The following IFRD1 variants were observed in gnomAD, a reference collection of about 807,000 sequenced individuals.
IFRD1 encodes the protein interferon related developmental regulator 1.
A neutral mutation model predicts 52.9 loss-of-function variants in IFRD1; 35 were observed. The ratio of observed to expected loss-of-function variants is 0.66; its 90% confidence interval spans 0.51 to 0.88. The LOEUF (loss-of-function observed/expected upper bound fraction) is 0.88, where lower values mean the gene tolerates loss of function less well. IFRD1 is among the 40% of genes least tolerant of loss of function. IFRD1 has a pLI of 0.00. For synonymous variants in IFRD1, 184 were observed against 188.4 expected (o/e 0.98, Z 0.19); for missense variants, 517 against 550.8 (o/e 0.94, Z 0.61).
At chr7:112,461,790 T>C (rs1170223231) in intron 5 of IFRD1, 76 bp from the exon 6 acceptor site, 4 of 812,584 alleles carry the variant, frequency 4.9e-6, no homozygotes, top group Admixed American at 2.7e-5. Context: ...TCACGTTGAA[T>C]TATAAAAGCA....
chr7:112,449,673 C>G (rs1315807794), upstream of IFRD1, among the ~76,000 whole-genome samples: 2 of 152,140 alleles, frequency 1.3e-5, no homozygotes, highest in African/African-American at 4.8e-5. Flanking sequence ...GTTTGTTTTA[C>G]CAGCTGTGAA....
intron 1 of IFRD1, chr7:112,451,983 T>G (rs948734504): frequency 2.0e-6 from 2 of 981,988 alleles, no homozygotes; most frequent in African/African-American, 3.5e-5. Context: ...GATCATGTAT[T>G]AAACATTTAA....
At chr7:112,465,448 G>T (rs1438917254) in intron 8 of IFRD1, among the ~76,000 whole-genome samples, 1 of 152,032 alleles carries the variant, frequency 6.6e-6, no homozygotes, top group Non-Finnish European at 1.5e-5. Flanking sequence ...ATTGGTAACT[G>T]TTATTTTGCT....
intron 1 of IFRD1, among the ~76,000 whole-genome samples, chr7:112,424,630 G>A (rs1382834910): frequency 6.6e-6 from 1 of 151,942 alleles, no homozygotes; most frequent in African/African-American, 2.4e-5. Context: ...GGCCAGGCTG[G>A]TCTCGAACTC....
chr7:112,471,497 G>A (rs756337283), intron 9 of IFRD1, among the ~76,000 whole-genome samples: 4 of 151,792 alleles, frequency 2.6e-5, no homozygotes, highest in South Asian at 4.2e-4. Context: ...TCCCTTCCTG[G>A]TTACTCTGAC....
Position 112,450,700 on chromosome 7 carries a change from C to A in IFRD1, c.12C>A (p.Asn4Lys), listed in dbSNP as rs1218357299. 1 of 1,612,900 alleles carries A rather than the reference C, an allele frequency of 6.2e-7. No homozygotes were observed. The highest frequency in any genetic ancestry group is 2.2e-5 in the East Asian group (1 of 44,854). ...CCGGGCGTCCCACGATGCCGAAGAACAAGAAGCGGAACACTCCCCACCGCG... is the reference window on the plus strand; with the variant it reads ...CCGGGCGTCCCACGATGCCGAAGAAAAAGAAGCGGAACACTCCCCACCGCG... MPK[N>K]KKRNTPHRGS... The change falls in exon 1 of 12, where the codon AAC (asparagine) becomes AAA (lysine). Residue 4 changes from asparagine to lysine, a missense_variant. Physicochemically the swap from Asn to Lys is moderately conservative, Grantham distance 94. Coordinates refer to ENST00000403825, the MANE Select transcript of IFRD1 (RefSeq NM_001550.4).
rs974459379 is a variant in IFRD1 at position 112,476,548 on chromosome 7, G to A, written c.*1029G>A. On this transcript the variant is annotated 3_prime_UTR_variant, in exon 12 of 12. Transcript: ENST00000403825. ...GTGTGCTTCTACTCTTTATCTACTTGGGTGCTGAGGCAAGAGGGTAACTTG... is the reference window on the plus strand; with the variant it reads ...GTGTGCTTCTACTCTTTATCTACTTAGGTGCTGAGGCAAGAGGGTAACTTG... 6.6e-6 allele frequency: 1 copy of A among 152,052 alleles called. No individual in the cohort carries two copies. Among genetic ancestry groups the A allele is most frequent in the African/African-American group, 2.4e-5 (1 of 41,374 alleles). 9.4% of individuals were successfully genotyped at this position (152,052 alleles called of 1,614,324 possible).
intron 1 of IFRD1, among the ~76,000 whole-genome samples, chr7:112,435,114 T>G (rs920082011): frequency 1.3e-5 from 2 of 152,226 alleles, no homozygotes; most frequent in Non-Finnish European, 2.9e-5. Context: ...TAGGTTGGAT[T>G]AATGGTGAAC....
At chr7:112,451,228 C>T (rs1474941096) in intron 1 of IFRD1, 1 of 166,184 alleles carries the variant, frequency 6.0e-6, no homozygotes, top group East Asian at 1.8e-4. Context: ...TGCCAGACGT[C>T]CGGCGGGTTT....
chr7:112,467,730 T>C, intron 8 of IFRD1: 2 of 454,092 alleles, frequency 4.4e-6, no homozygotes. Context: ...AAATATTTGT[T>C]GGATGCATTT....
intron 8 of IFRD1, chr7:112,467,666 C>T (rs1795644338): frequency 2.8e-6 from 1 of 358,420 alleles, no homozygotes. Context: ...GTATATCTGT[C>T]TCTCACTGAA....
intron 1 of IFRD1, among the ~76,000 whole-genome samples, chr7:112,439,411 TG>T (rs1363000499): frequency 6.6e-6 from 1 of 152,218 alleles, no homozygotes; most frequent in African/African-American, 2.4e-5. Context: ...GATTGTTAGA[TG>T]TAACAGTATC....
chr7:112,475,474 A>G lies in IFRD1; in HGVS notation c.1311A>G (p.Arg437=), dbSNP rs140706498. 6.2e-7 allele frequency: 1 copy of G among 1,612,626 alleles called. No homozygotes were observed. The highest frequency in any genetic ancestry group is 8.5e-7 in the Non-Finnish European group (1 of 1,179,108). Residue 437 remains arginine (R), a synonymous_variant, in exon 12 of 12, where the codon AGA becomes AGG. Transcript: ENST00000403825. Reference sequence around the variant, plus strand: ...CCTTCAAAGCTCGAACCAAAGCTAGAAGCAAATGTCGAGATAAGAGAGCAG... The same window carrying G: ...CCTTCAAAGCTCGAACCAAAGCTAGGAGCAAATGTCGAGATAAGAGAGCAG... The part of the protein sequence containing the change: ...SAAFKARTKA[R]SKCRDKRADV...
At chr7:112,450,455 G>T (rs568490643), upstream of IFRD1, 6 of 572,802 alleles carry the variant, frequency 1.0e-5, no homozygotes, top group African/African-American at 5.6e-5. Context: ...GGCCTCCCCT[G>T]CCCCGCCTTA....
intron 1 of IFRD1, among the ~76,000 whole-genome samples, chr7:112,437,441 C>T (rs896981483): frequency 2.6e-5 from 4 of 151,874 alleles, no homozygotes; most frequent in Non-Finnish European, 5.9e-5. Flanking sequence ...ATACCATGTG[C>T]CAGGCATGTG....
chr7:112,472,344 G>A lies in IFRD1; in HGVS notation c.1167G>A (p.Leu389=). The A allele has an allele frequency of 6.2e-7, 1 of 1,614,012 alleles. No homozygotes were observed. The highest frequency in any genetic ancestry group is 8.5e-7 in the Non-Finnish European group (1 of 1,179,918). Residue 389 remains leucine, a synonymous_variant, in exon 10 of 12, where the codon TTG becomes TTA. Transcript: ENST00000403825. ...TTGGATCAGGGATGCAGTACCACTT[G>A]CAGGTAAGTGTCATCCTTTCTACAT... is the stretch of plus-strand genomic sequence containing the variant. ...EVLGSGMQYH[L]QSNEFLRNVF... is the part of the protein sequence containing the mutation.
upstream of IFRD1, among the ~76,000 whole-genome samples, chr7:112,446,905 T>A (rs1795044026): frequency 6.6e-6 from 1 of 152,068 alleles, no homozygotes; most frequent in South Asian, 2.1e-4. Flanking sequence ...AAGAGTTTGA[T>A]ATGGCATTAG....
chr7:112,450,952 C>T (rs1046905916), intron 1 of IFRD1, 170 bp downstream of exon 1: 38 of 657,082 alleles, frequency 5.8e-5, no homozygotes, highest in Non-Finnish European at 9.8e-5. Context: ...GGGCGCTGCT[C>T]CTCGCGCGAT....
At chr7:112,461,064 C>CA (rs1333382382) in intron 5 of IFRD1, among the ~76,000 whole-genome samples, 1 of 152,144 alleles carries the variant, frequency 6.6e-6, no homozygotes, top group African/African-American at 2.4e-5. Context: ...ATACTATACT[C>CA]ACTTTTGTTT....
Sources: gnomAD v4.1 joint callset for allele counts (sites outside exome capture counted in the v4.1 genomes callset) on GRCh38, gnomAD v4.1.1 for gene constraint, MANE v1.5 for transcripts, NCBI Gene and HGNC (gene_info 2026-07-23, HGNC 2026-07-21) for gene names.